The following GPC6 variants were observed in gnomAD, a reference collection of about 807,000 sequenced individuals.
GPC6 encodes the protein glypican-6.
Under a neutral mutation model 55.2 loss-of-function variants are expected in GPC6, and 14 were observed. The ratio of observed to expected loss-of-function variants is 0.25; its 90% CI spans 0.17 to 0.40. The LOEUF (loss-of-function observed/expected upper bound fraction) is 0.40. Ranked by LOEUF, GPC6 falls within the 10% of genes least tolerant of loss-of-function variation. The probability of loss-of-function intolerance (pLI) is 1.00; values close to 1 mark genes in which losing one functional copy is unlikely to be tolerated. For synonymous variants in GPC6, 278 were observed against 259.6 expected, an observed-to-expected ratio of 1.07 and a Z score of -0.68; for missense variants, 641 against 708.5, an observed-to-expected ratio of 0.90 and a Z score of 1.08.
At chr13:93,931,504 A>G (rs1210541257) in intron 3 of GPC6, among the ~76,000 whole-genome samples, 10 of 151,632 alleles carry the variant, frequency 6.6e-5, no homozygotes, top group African/African-American at 2.4e-4. Flanking sequence ...ACGCTCACGC[A>G]TGTAATCCCA....
intron 4 of GPC6, among the ~76,000 whole-genome samples, chr13:94,031,965 A>T (rs1883157387): frequency 1.3e-5 from 2 of 152,196 alleles, no homozygotes; most frequent in African/African-American, 4.8e-5. Context: ...GGTACCTTCT[A>T]AGATTTTATA....
At chr13:93,656,194 T>A (rs1880656617) in intron 2 of GPC6, among the ~76,000 whole-genome samples, 1 of 152,098 alleles carries the variant, frequency 6.6e-6, no homozygotes, top group Admixed American at 6.5e-5. Flanking sequence ...TTGAAATAAT[T>A]GTGAAGATAT....
intron 1 of GPC6, among the ~76,000 whole-genome samples, chr13:93,377,080 A>G (rs891592293): frequency 1.3e-4 from 20 of 152,206 alleles, no homozygotes; most frequent in African/African-American, 4.8e-4. Flanking sequence ...CAGTTGTACA[A>G]ATGTACACAC....
intron 2 of GPC6, among the ~76,000 whole-genome samples, chr13:93,810,457 G>A (rs944255536): frequency 6.6e-6 from 1 of 152,170 alleles, no homozygotes; most frequent in African/African-American, 2.4e-5. Context: ...GCTTTTGTTC[G>A]AAGGTGACTA....
chr13:93,513,752 G>A (rs1311229799), intron 1 of GPC6, among the ~76,000 whole-genome samples: 1 of 152,036 alleles, frequency 6.6e-6, no homozygotes, highest in African/African-American at 2.4e-5. Context: ...TATGCAGACT[G>A]AATATTTTTA....
At chr13:93,243,066 C>T (rs1380038072) in intron 1 of GPC6, among the ~76,000 whole-genome samples, 4 of 152,100 alleles carry the variant, frequency 2.6e-5, no homozygotes, top group Admixed American at 2.0e-4. Flanking sequence ...ATAATGCCCT[C>T]GAGAAGTCCC....
At chr13:93,346,628 G>A (rs550820670) in intron 1 of GPC6, among the ~76,000 whole-genome samples, 1 of 152,204 alleles carries the variant, frequency 6.6e-6, no homozygotes, top group South Asian at 2.1e-4. Flanking sequence ...GAATAAATTT[G>A]GGTGGAATAA....
intron 4 of GPC6, among the ~76,000 whole-genome samples, chr13:94,122,276 A>C (rs910915528): frequency 1.3e-5 from 2 of 152,054 alleles, no homozygotes; most frequent in African/African-American, 4.8e-5. Flanking sequence ...TTTCTCATTT[A>C]ATCCTCTATG....
At chr13:93,584,684 GTTTTTTTT>G (rs779571682) in intron 2 of GPC6, among the ~76,000 whole-genome samples, 1 of 95,570 alleles carries the variant, frequency 1.0e-5, no homozygotes, top group South Asian at 3.5e-4. Context: ...CCTTCTGAAA[GTTTTTTTT>G]TTTTTTTTTT....
At chr13:93,327,020 A>G (rs1879681978) in intron 1 of GPC6, among the ~76,000 whole-genome samples, 1 of 152,222 alleles carries the variant, frequency 6.6e-6, no homozygotes, top group Admixed American at 6.5e-5. Context: ...AGGAATCTTC[A>G]GCTTCTTGTT....
At chr13:93,587,946 A>C (rs1190090713) in intron 2 of GPC6, among the ~76,000 whole-genome samples, 2 of 152,194 alleles carry the variant, frequency 1.3e-5, no homozygotes, top group African/African-American at 4.8e-5. Flanking sequence ...CCTACAGTCC[A>C]CCATAACCTG....
intron 6 of GPC6, among the ~76,000 whole-genome samples, chr13:94,380,286 A>T (rs1228932778): frequency 6.6e-6 from 1 of 152,212 alleles, no homozygotes; most frequent in Non-Finnish European, 1.5e-5. Context: ...AATATAAAAC[A>T]TGTATTTCTT....
At chr13:94,323,362 T>G (rs540732177) in intron 6 of GPC6, among the ~76,000 whole-genome samples, 1 of 152,326 alleles carries the variant, frequency 6.6e-6, no homozygotes, top group East Asian at 1.9e-4. Context: ...TAGAAGCCAA[T>G]GTGCATAAAG....
chr13:94,103,757 A>T (rs1345390204), intron 4 of GPC6, among the ~76,000 whole-genome samples: 6 of 151,106 alleles, frequency 4.0e-5, no homozygotes, highest in African/African-American at 9.7e-5. Context: ...TTGTAAATTT[A>T]AGTTCTTTGT....
intron 1 of GPC6, among the ~76,000 whole-genome samples, chr13:93,314,775 A>G (rs1230809792): frequency 1.3e-5 from 2 of 149,830 alleles, no homozygotes; most frequent in African/African-American, 5.0e-5. Flanking sequence ...GTGCTGAGAA[A>G]TGAGGAGATT....
chr13:93,538,357 A>G (rs1455655026), intron 1 of GPC6, among the ~76,000 whole-genome samples: 1 of 152,180 alleles, frequency 6.6e-6, no homozygotes, highest in Non-Finnish European at 1.5e-5. Flanking sequence ...AGAACTGGAA[A>G]TGTTCTTAAG....
At position 93,918,943 on chromosome 13, in the gene GPC6, A is replaced by G. The variant is rs555695437; in HGVS notation, c.711+88398A>G. Among the ~76,000 whole-genome samples, 9 of 152,360 alleles carry G rather than the reference A, an allele frequency of 5.9e-5. No individual in the cohort carries two copies. In the South Asian group the frequency reaches 1.9e-3, roughly 32 times the overall value. The stretch of plus-strand genomic sequence containing the variant: ...TATGGTTTGGATATATATCCCATCC[A>G]AATCTCAAGCTGAAGTGTGATTCCC... On this transcript the variant is annotated intron_variant, in intron 3 of 8. Transcript: ENST00000377047.
At chr13:94,261,819 C>G (rs1288704270) in intron 4 of GPC6, among the ~76,000 whole-genome samples, 1 of 152,182 alleles carries the variant, frequency 6.6e-6, no homozygotes, top group Non-Finnish European at 1.5e-5. Context: ...TTAGTGAGAG[C>G]AGTTTGTGGC....
At chr13:93,795,541 C>G (rs1362400928) in intron 2 of GPC6, among the ~76,000 whole-genome samples, 1 of 152,114 alleles carries the variant, frequency 6.6e-6, no homozygotes, top group African/African-American at 2.4e-5. Context: ...AATCCCTTAT[C>G]TGTTAGAAAG....
Sources: gnomAD v4.1 joint callset for allele counts (sites outside exome capture counted in the v4.1 genomes callset) on GRCh38, gnomAD v4.1.1 for gene constraint, MANE v1.5 for transcripts, NCBI Gene and HGNC (gene_info 2026-07-23, HGNC 2026-07-21) for gene names.